Variants in HPR observed in about 807,000 individuals in gnomAD.
The protein encoded by HPR is haptoglobin-related protein, also known as Haptoglobin-related locus.
In HPR, 17 loss-of-function variants were observed where a neutral mutation model predicts 18.5. That is an observed-to-expected ratio of 0.92 (90% CI 0.63 to 1.38). The LOEUF (loss-of-function observed/expected upper bound fraction) is 1.38, where lower values mean the gene tolerates loss of function less well. Ranked by LOEUF, HPR falls within the 40% of genes most tolerant of loss-of-function variation. The probability of loss-of-function intolerance (pLI) is 0.00; values close to 1 mark genes in which losing one functional copy is unlikely to be tolerated. For missense variants in HPR, 457 were observed against 432.4 expected, an observed-to-expected ratio of 1.06 and a Z score of -0.51; for synonymous variants, 176 against 165.0, an observed-to-expected ratio of 1.07 and a Z score of -0.51.
chr16:72,075,622 T>A (rs1227800815), intron 4 of HPR, among the ~76,000 whole-genome samples: 1 of 152,204 alleles, frequency 6.6e-6, no homozygotes, highest in East Asian at 1.9e-4. Flanking sequence ...CTTCTCGTTA[T>A]TAGGAGGAAC....
chr16:72,073,911 T>A lies in HPR; in HGVS notation c.25T>A (p.Ser9Thr), dbSNP rs773168405. MSDLGAVI[S>T]LLLWGRQLFA... is the part of the protein sequence containing the mutation. ...CTGCAGTGACCTGGGAGCTGTCATT[T>A]CCCTCCTGCTCTGGGGACGACAGCT... Residue 9 changes from serine to threonine, a missense_variant, in exon 2 of 5, where the codon TCC (serine) becomes ACC (threonine). Physicochemically the swap from Ser to Thr is moderately conservative, Grantham distance 58. Transcript: ENST00000540303. The A allele has an allele frequency of 6.2e-7, 1 of 1,614,002 alleles. No homozygotes were observed. Among genetic ancestry groups the A allele is most frequent in the South Asian group, 1.1e-5 (1 of 91,076 alleles).
intron 1 of HPR, among the ~76,000 whole-genome samples, chr16:72,067,399 T>G (rs1171746659): frequency 6.6e-6 from 1 of 152,174 alleles, no homozygotes; most frequent in Non-Finnish European, 1.5e-5. Context: ...AGAAGTCAAG[T>G]ACCAAGACTA....
At chr16:72,072,487 G>A (rs1402507766) in intron 1 of HPR, among the ~76,000 whole-genome samples, 1 of 152,146 alleles carries the variant, frequency 6.6e-6, no homozygotes, top group Admixed American at 6.5e-5. Context: ...TACTACTCCA[G>A]GTGGGATCAC....
intron 1 of HPR, among the ~76,000 whole-genome samples, chr16:72,063,627 A>G (rs990618280): frequency 2.2e-4 from 33 of 152,196 alleles, no homozygotes; most frequent in Non-Finnish European, 4.1e-4. Flanking sequence ...ACACATTTGA[A>G]TGACACAATT....
At chr16:72,068,003 G>A (rs887717716) in intron 1 of HPR, among the ~76,000 whole-genome samples, 1 of 152,166 alleles carries the variant, frequency 6.6e-6, no homozygotes, top group African/African-American at 2.4e-5. Flanking sequence ...AAGATCCCCA[G>A]TTAGGGTGAA....
intron 1 of HPR, among the ~76,000 whole-genome samples, chr16:72,068,197 A>C (rs981174186): frequency 4.6e-5 from 7 of 152,172 alleles, no homozygotes; most frequent in African/African-American, 1.7e-4. Flanking sequence ...TTCTCTACAC[A>C]TATTTTTGAC....
chr16:72,073,356 A>G (rs1387695521), intron 1 of HPR, among the ~76,000 whole-genome samples: 1 of 152,178 alleles, frequency 6.6e-6, no homozygotes, highest in Non-Finnish European at 1.5e-5. Context: ...TCTTTGCAGC[A>G]CCAAGCATTT....
chr16:72,074,658 T>A, intron 3 of HPR: 1 of 710,032 alleles, frequency 1.4e-6, no homozygotes, highest in Non-Finnish European at 2.6e-6. Context: ...CTCCAGCAGA[T>A]GTGGGAAAAG....
intron 4 of HPR, among the ~76,000 whole-genome samples, 192 bp downstream of exon 4, chr16:72,075,411 G>C (rs555510979): frequency 6.6e-6 from 1 of 152,240 alleles, no homozygotes; most frequent in Non-Finnish European, 1.5e-5. Flanking sequence ...CCAGGGTCTT[G>C]TTCATTGGGG....
Position 72,074,318 on chromosome 16 carries a change from T to C in HPR, c.126T>C (p.Asn42=). 6.2e-7 allele frequency: 1 copy of C among 1,614,102 alleles called. No homozygotes were observed. ...DRFPKPPEIA[N]GYVEHLFRYQ... ...TCCCGAAGCCCCCTGAGATTGCAAATGGCTATGTGGAGCACTTGTTTCGCT... is the reference window on the plus strand; with the variant it reads ...TCCCGAAGCCCCCTGAGATTGCAAACGGCTATGTGGAGCACTTGTTTCGCT... Residue 42 remains asparagine, a synonymous_variant, in exon 3 of 5, where the codon AAT becomes AAC. Transcript: ENST00000540303.
At chr16:72,072,993 C>A (rs2041673597) in intron 1 of HPR, among the ~76,000 whole-genome samples, 2 of 152,150 alleles carry the variant, frequency 1.3e-5, no homozygotes, top group Admixed American at 1.3e-4. Flanking sequence ...AACCTTCCCG[C>A]CAGTCGTTAT....
chr16:72,075,084 C>G, intron 3 of HPR, 61 bp from the exon 4 acceptor site: 2 of 708,624 alleles, frequency 2.8e-6, no homozygotes, highest in Non-Finnish European at 5.2e-6. Flanking sequence ...AATGCCTTCT[C>G]ACTCTGCTCT....
intron 3 of HPR, 129 bp from the exon 4 acceptor site, chr16:72,075,016 T>A: frequency 7.6e-7 from 1 of 1,307,274 alleles, no homozygotes; most frequent in East Asian, 2.5e-5. Context: ...GTATTCTCTC[T>A]CCTTTCTCCC....
intron 3 of HPR, 85 bp downstream of exon 3, chr16:72,074,470 C>T: frequency 3.2e-6 from 4 of 1,234,242 alleles, no homozygotes; most frequent in Non-Finnish European, 4.8e-6. Context: ...GGTGATTTGC[C>T]AGAAAGTTCG....
At chr16:72,074,150 C>G (rs1163309743) in intron 2 of HPR, 134 bp from the exon 3 acceptor site, 3 of 1,248,048 alleles carry the variant, frequency 2.4e-6, no homozygotes, top group African/African-American at 2.9e-5. Flanking sequence ...ATGAGGGGAG[C>G]TTGAGCTTTC....
intron 1 of HPR, among the ~76,000 whole-genome samples, chr16:72,066,144 C>T (rs1380637702): frequency 6.6e-6 from 1 of 152,156 alleles, no homozygotes; most frequent in Admixed American, 6.5e-5. Flanking sequence ...AACTTTCTTC[C>T]CTTTAAAAGG....
chr16:72,065,017 C>A (rs1381083663), intron 1 of HPR, among the ~76,000 whole-genome samples: 1 of 152,170 alleles, frequency 6.6e-6, no homozygotes, highest in African/African-American at 2.4e-5. Context: ...GCAGGAGTGA[C>A]AAAGTACTTC....
intron 4 of HPR, 70 bp from the exon 5 acceptor site, chr16:72,076,233 T>C (rs1297922870): frequency 6.3e-7 from 1 of 1,594,222 alleles, no homozygotes; most frequent in African/African-American, 1.3e-5. Context: ...CCGCCAATGC[T>C]TTCACCCCTT....
At chr16:72,069,208 G>A (rs910483556) in intron 1 of HPR, among the ~76,000 whole-genome samples, 4 of 152,078 alleles carry the variant, frequency 2.6e-5, no homozygotes, top group Non-Finnish European at 4.4e-5. Context: ...CATACATTTG[G>A]AAAAAGTTGG....
Sources: gnomAD v4.1 joint callset for allele counts (sites outside exome capture counted in the v4.1 genomes callset) on GRCh38, gnomAD v4.1.1 for gene constraint, MANE v1.5 for transcripts, NCBI Gene and HGNC (gene_info 2026-07-23, HGNC 2026-07-21) for gene names.